The following CCDC110 variants were observed in gnomAD, a reference collection of about 807,000 sequenced individuals.
CCDC110 encodes the protein coiled-coil domain-containing protein 110.
Under a neutral mutation model 77.1 loss-of-function variants are expected in CCDC110, and 70 were observed. The ratio of observed to expected loss-of-function variants is 0.91; its 90% CI spans 0.75 to 1.11. The LOEUF is 1.11. CCDC110 is among the 50% of genes least tolerant of loss of function. The pLI is 0.00. For synonymous variants in CCDC110, 295 were observed against 312.5 expected, an observed-to-expected ratio of 0.94 and a Z score of 0.59; for missense variants, 868 against 942.9, an observed-to-expected ratio of 0.92 and a Z score of 1.04.
rs867985118 is a variant in CCDC110 at position 185,459,469 on chromosome 4, A to T, written c.1118T>A (p.Phe373Tyr). 5 of 1,613,522 alleles carry T rather than the reference A, an allele frequency of 3.1e-6. No homozygotes were observed. Among genetic ancestry groups the T allele is most frequent in the Middle Eastern group, 1.6e-4 (1 of 6,074 alleles). ...ITGKNITDLKFHSRVPRYTLS... is the reference protein window; with the variant it reads ...ITGKNITDLKYHSRVPRYTLS... ...TGTGTATCTTGGAACTCTGGAATGG[A>T]ATTTTAAATCTGTAATATTTTTGCC... Residue 373 changes from phenylalanine to tyrosine, a missense_variant, in exon 6 of 7, where the codon TTC (phenylalanine) becomes TAC (tyrosine). Transcript: ENST00000307588.
At position 185,460,054 on chromosome 4, in the gene CCDC110, T is replaced by C. The variant is rs775667817; in HGVS notation, c.533A>G (p.Asn178Ser). 1.2e-6 allele frequency: 2 copies of C among 1,613,826 alleles called. No homozygotes were observed. The highest frequency in any genetic ancestry group is 1.1e-5 in the South Asian group (1 of 91,050). The stretch of plus-strand genomic sequence containing the variant: ...GTGTATAATTATGTTTGAAGATAAA[T>C]TGTCTGTTGAAGTTCTCAGAGTTAA... ...DTLTLRTSTD[N>S]LSSNIIIHPS... is the part of the protein sequence containing the mutation. The change falls in exon 6 of 7, where the codon AAT becomes AGT. Residue 178 changes from asparagine to serine, a missense_variant. Asn to Ser is a conservative substitution (Grantham distance 46, BLOSUM62 1). Transcript: ENST00000307588.
Position 185,458,755 on chromosome 4 carries a change from A to C in CCDC110, c.1832T>G (p.Leu611Arg). The C allele has an allele frequency of 6.2e-7, 1 of 1,610,274 alleles. No individual in the cohort carries two copies. The highest frequency in any genetic ancestry group is 8.5e-7 in the Non-Finnish European group (1 of 1,179,182). ...TTTCTCTTTTAGCTGGATTATCTCT[A>C]GCTGGCTTTCTTTTAGTTCATTTCC... Reference protein sequence around the residue: ...SLGNELKESQLEIIQLKEKER... With the variant: ...SLGNELKESQREIIQLKEKER... Residue 611 changes from leucine (L) to arginine (R), a missense_variant, in exon 6 of 7, where the codon CTA (leucine) becomes CGA (arginine). Transcript: ENST00000307588.
intron 6 of CCDC110, among the ~76,000 whole-genome samples, chr4:185,452,900 A>AG (rs2095631124): frequency 1.3e-5 from 2 of 151,514 alleles, no homozygotes; most frequent in Non-Finnish European, 1.5e-5. Flanking sequence ...AAAAAAAAAA[A>AG]AAAAAAAAAA....
In CCDC110 at chr4:185,468,626, G is replaced by T. The variant is rs74354452; in HGVS notation, c.115+2319C>A. ...TGCAGTTGCCATTCTCTCTGCCTGC[G>T]GTGCTCTTTCCCTAGAAATCTGCAC... On this transcript the variant is annotated intron_variant, in intron 2 of 6. Coordinates refer to ENST00000307588, the MANE Select transcript of CCDC110 (RefSeq NM_152775.4). This position sits in a 1 kb window ranked among gnomAD's most constrained non-coding sequence, Gnocchi z 4.5. Among the ~76,000 whole-genome samples, 1 of 151,934 alleles carries T rather than the reference G, an allele frequency of 6.6e-6. No individual in the cohort carries two copies. Among genetic ancestry groups the T allele is most frequent in the South Asian group, 2.1e-4 (1 of 4,804 alleles).
rs1485836957 is a variant in CCDC110, at chr4:185,468,842, T to G, written c.115+2103A>C. ...GCTTACACACAATAGCCTTTGTCTG[T>G]CTGTTCCCTCACTAGAAGGTAAGCT... On this transcript the variant is annotated intron_variant, in intron 2 of 6. Transcript: ENST00000307588. The surrounding 1 kb of genome is among the most constrained non-coding windows in gnomAD (Gnocchi z 4.5). Among the ~76,000 whole-genome samples, 2 of 152,238 alleles carry G rather than the reference T, an allele frequency of 1.3e-5. No individual in the cohort carries two copies. Among genetic ancestry groups the G allele is most frequent in the African/African-American group, 4.8e-5 (2 of 41,454 alleles).
At chr4:185,455,893 A>T (rs988545342) in intron 6 of CCDC110, among the ~76,000 whole-genome samples, 55 of 151,990 alleles carry the variant, frequency 3.6e-4, no homozygotes, top group African/African-American at 9.4e-4. Context: ...TCAAAAAAAA[A>T]ATATTAATAA....
Position 185,459,423 on chromosome 4 carries a change from T to A in CCDC110, c.1164A>T (p.Thr388=). ...PRYTLSFLDQ[T]KHEMKDKERQ... ...TTTCTTTGTCTTTCATTTCATGTTT[T>A]GTTTGGTCGAGGAAGGACAGTGTGT... Residue 388 remains threonine (T), a synonymous_variant, in exon 6 of 7, where the codon ACA becomes ACT. Transcript: ENST00000307588. The A allele has an allele frequency of 6.2e-7, 1 of 1,612,770 alleles. No homozygotes were observed. The highest frequency in any genetic ancestry group is 8.5e-7 in the Non-Finnish European group (1 of 1,179,202).
chr4:185,457,803 T>G, intron 6 of CCDC110: 2 of 1,441,992 alleles, frequency 1.4e-6, no homozygotes, highest in South Asian at 2.7e-5. Context: ...ATGATACAGT[T>G]TACTTGGAAT....
intron 6 of CCDC110, chr4:185,457,679 C>A: frequency 1.3e-6 from 1 of 780,482 alleles, no homozygotes; most frequent in Non-Finnish European, 1.9e-6. Flanking sequence ...AATCAATTAC[C>A]AGGTTAATGT....
In CCDC110 at chr4:185,469,114, G is replaced by A. The variant is rs140584115; in HGVS notation, c.115+1831C>T. On this transcript the variant is annotated intron_variant, in intron 2 of 6. Coordinates refer to ENST00000307588, the MANE Select transcript of CCDC110 (RefSeq NM_152775.4). ...TAGTTCTGAAATCAGAGACACCTTG[G>A]GAACATTCTATAACTCTTTGTAACC... Among the ~76,000 whole-genome samples the A allele has an allele frequency of 2.6e-5, 4 of 152,318 alleles. No individual in the cohort carries two copies. In the East Asian group the frequency reaches 7.7e-4, roughly 29 times the overall value.
chr4:185,458,605 T>G lies in CCDC110; in HGVS notation c.1982A>C (p.Glu661Ala). ...TTGGTAGGTTTGAATATTCTCAATT[T>G]CTCTTTCCATAATTTGTCTGGCAGC... Reference protein sequence around the residue: ...STAARQIMEREIENIQTYQST... With the variant: ...STAARQIMERAIENIQTYQST... The change falls in exon 6 of 7, where the codon GAA becomes GCA. Residue 661 changes from glutamate to alanine, a missense_variant. Glu to Ala is a moderately radical substitution (Grantham distance 107). Transcript: ENST00000307588. 6.2e-7 allele frequency: 1 copy of G among 1,608,244 alleles called. No homozygotes were observed. The highest frequency in any genetic ancestry group is 8.5e-7 in the Non-Finnish European group (1 of 1,179,674).
In CCDC110 at chr4:185,445,311, A is replaced by G. The variant is rs2095607280; in HGVS notation, c.*191T>C. 6 of 707,496 alleles carry G rather than the reference A, an allele frequency of 8.5e-6. No individual in the cohort carries two copies. The highest frequency in any genetic ancestry group is 1.4e-5 in the Non-Finnish European group (6 of 436,144). The allele number at this position is 707,496 out of a possible 1,614,324, so 43.8% of individuals were successfully genotyped here. ...CCCTCCCTTGTAGAAGTTCTCCCCC[A>G]TCTTCTGAAATTCCCAGCTGAGAAA... On this transcript the variant is annotated 3_prime_UTR_variant, in exon 7 of 7. Coordinates refer to ENST00000307588, the MANE Select transcript of CCDC110 (RefSeq NM_152775.4).
Position 185,445,428 on chromosome 4 carries a change from T to C in CCDC110, c.*74A>G. 1 of 1,043,004 alleles carries C rather than the reference T, an allele frequency of 9.6e-7. No homozygotes were observed. Among genetic ancestry groups the C allele is most frequent in the South Asian group, 1.4e-5 (1 of 71,054 alleles). The allele number at this position is 1,043,004 out of a possible 1,614,324, so 64.6% of individuals were successfully genotyped here. A position where few individuals can be genotyped will look rare whatever the true frequency, so the allele number is the denominator to read the frequency against. On this transcript the variant is annotated 3_prime_UTR_variant, in exon 7 of 7. Coordinates refer to ENST00000307588, the MANE Select transcript of CCDC110 (RefSeq NM_152775.4). ...TGAGTCATTTGAGATGAGTTAGATA[T>C]GCATAGTTCAGTTAGCAGTACAATT... is the stretch of plus-strand genomic sequence containing the variant.
At position 185,464,814 on chromosome 4, in the gene CCDC110, G is replaced by A. The variant is rs1201180567; in HGVS notation, c.116-1765C>T. 3.3e-5 allele frequency among the ~76,000 whole-genome samples: 5 copies of A among 152,284 alleles called. No homozygotes were observed. The East Asian group carries it at 5.8e-4, about 18-fold the overall frequency. On this transcript the variant is annotated intron_variant, in intron 2 of 6. Transcript: ENST00000307588. ...AAGAGAATTTTTAAAACTGCAAGTAGTGGAAATTATTTCTAGTATTTGGAT... is the reference window on the plus strand; with the variant it reads ...AAGAGAATTTTTAAAACTGCAAGTAATGGAAATTATTTCTAGTATTTGGAT...
At chr4:185,460,553 G>A (rs2095644156) in intron 5 of CCDC110, among the ~76,000 whole-genome samples, 1 of 152,196 alleles carries the variant, frequency 6.6e-6, no homozygotes, top group South Asian at 2.1e-4. Flanking sequence ...GGGAAAGATG[G>A]AACCGATAGG....
intron 2 of CCDC110, among the ~76,000 whole-genome samples, chr4:185,466,160 G>A (rs995914967): frequency 1.3e-5 from 2 of 152,088 alleles, no homozygotes; most frequent in African/African-American, 2.4e-5. Flanking sequence ...CAGATCACGA[G>A]GTCAGGAGAT....
At chr4:185,451,203 G>A (rs1025881759) in intron 6 of CCDC110, among the ~76,000 whole-genome samples, 7 of 151,096 alleles carry the variant, frequency 4.6e-5, no homozygotes, top group African/African-American at 1.7e-4. Context: ...ACGTGGAACT[G>A]TGAGTCCATT....
chr4:185,460,065 A>G lies in CCDC110; in HGVS notation c.522T>C (p.Thr174=). 1 of 1,613,828 alleles carries G rather than the reference A, an allele frequency of 6.2e-7. No individual in the cohort carries two copies. Among genetic ancestry groups the G allele is most frequent in the Non-Finnish European group, 8.5e-7 (1 of 1,179,898 alleles). The change falls in exon 6 of 7, where the codon ACT becomes ACC. Residue 174 remains threonine (T), a synonymous_variant. Transcript: ENST00000307588. Reference sequence around the variant, plus strand: ...TGTTTGAAGATAAATTGTCTGTTGAAGTTCTCAGAGTTAATGTGTCCTCGG... The same window carrying G: ...TGTTTGAAGATAAATTGTCTGTTGAGGTTCTCAGAGTTAATGTGTCCTCGG... ...IHSEDTLTLR[T]STDNLSSNII... is the part of the protein sequence containing the mutation.
chr4:185,468,035 C>T lies in CCDC110; in HGVS notation c.115+2910G>A, dbSNP rs1274289415. On this transcript the variant is annotated intron_variant, in intron 2 of 6. Transcript: ENST00000307588. This position sits in a 1 kb window ranked among gnomAD's most constrained non-coding sequence, Gnocchi z 4.5. ...CCTCCTGCCTCGGTCTCCCAAAATG[C>T]TGGGATTACAGGCGTGAGCCACCAT... 6.6e-6 allele frequency among the ~76,000 whole-genome samples: 1 copy of T among 152,214 alleles called. No homozygotes were observed. The highest frequency in any genetic ancestry group is 2.4e-5 in the African/African-American group (1 of 41,450).
Sources: allele counts gnomAD v4.1 joint callset (sites outside exome capture counted in the v4.1 genomes callset), GRCh38; gene constraint gnomAD v4.1.1; non-coding constraint Gnocchi (gnomAD v3.1); transcripts MANE v1.5; gene names NCBI Gene and HGNC (gene_info 2026-07-23, HGNC 2026-07-21).